The following DGKB variants were observed in gnomAD, a reference collection of about 807,000 sequenced individuals.
DGKB encodes diacylglycerol kinase beta.
DGKB carries 67 observed loss-of-function variants against 114.3 expected under a neutral mutation model. The observed-to-expected ratio is 0.59, with a 90% CI of 0.48 to 0.72. The LOEUF is 0.72. DGKB is among the 30% of genes least tolerant of loss of function. The pLI, the probability that DGKB is intolerant of heterozygous loss-of-function variation, is 0.00. For missense variants in DGKB, 907 were observed against 975.2 expected (o/e 0.93, Z 0.93); for synonymous variants, 398 against 323.1 (o/e 1.23, Z -2.49).
chr7:14,525,766 T>C (rs1439940662), intron 20 of DGKB, among the ~76,000 whole-genome samples: 1 of 152,202 alleles, frequency 6.6e-6, no homozygotes, highest in Non-Finnish European at 1.5e-5. Flanking sequence ...AATTTTGTTT[T>C]GGTCTTTTTT....
chr7:14,773,167 A>G (rs1310098222), intron 2 of DGKB, among the ~76,000 whole-genome samples: 1 of 152,214 alleles, frequency 6.6e-6, no homozygotes, highest in African/African-American at 2.4e-5. Flanking sequence ...ATAAGCACAT[A>G]AAGTGCTAAA....
Position 14,648,865 on chromosome 7 carries a change from T to C in DGKB, c.1135-18597A>G, listed in dbSNP as rs373865935. ...TGAAGAATGCAGAAGCCTCAGGAGC[T>C]GATGCGATCAACTGGAAGAAAGGGT... On this transcript the variant is annotated intron_variant, in intron 13 of 25. Coordinates refer to ENST00000402815, the MANE Select transcript of DGKB (RefSeq NM_001350709.2). Among the ~76,000 whole-genome samples the C allele has an allele frequency of 4.2e-4, 57 of 134,756 alleles. No homozygotes were observed. The East Asian group carries it at 4.7e-3, about 11-fold the overall frequency. 88.4% of individuals were successfully genotyped at this position (134,756 alleles called of 152,430 possible). A position where few individuals can be genotyped will look rare whatever the true frequency, so the allele number is the denominator to read the frequency against.
At chr7:14,966,998 A>G (rs1787194193) in intron 1 of DGKB, among the ~76,000 whole-genome samples, 1 of 152,194 alleles carries the variant, frequency 6.6e-6, no homozygotes, top group Admixed American at 6.5e-5. Flanking sequence ...GATGTATTTT[A>G]TTCATTTTAT....
At chr7:14,648,136 G>A (rs542090814) in intron 13 of DGKB, among the ~76,000 whole-genome samples, 10 of 152,328 alleles carry the variant, frequency 6.6e-5, no homozygotes, top group South Asian at 6.2e-4. Context: ...ACTGGGTGGA[G>A]CCCACCACAG....
intron 13 of DGKB, among the ~76,000 whole-genome samples, chr7:14,654,876 AC>A: frequency 6.6e-6 from 1 of 152,090 alleles, no homozygotes; most frequent in South Asian, 2.1e-4. Flanking sequence ...CCAAAAATTG[AC>A]ACAAAATATA....
chr7:14,610,914 T>C (rs549639656), intron 16 of DGKB, among the ~76,000 whole-genome samples: 1 of 152,294 alleles, frequency 6.6e-6, no homozygotes, highest in South Asian at 2.1e-4. Context: ...AGCCATGCCT[T>C]ATCCATGATG....
Position 14,919,270 on chromosome 7 carries a change from C to G in DGKB, c.-188+55426G>C, listed in dbSNP as rs1259887245. Among the ~76,000 whole-genome samples, 4 of 151,942 alleles carry G rather than the reference C, an allele frequency of 2.6e-5. No homozygotes were observed. The East Asian group carries it at 7.7e-4, about 29-fold the overall frequency. On this transcript the variant is annotated intron_variant, in intron 1 of 4. Transcript: ENST00000437998. ...GCAGCACGTTATTGACAAAGAATAG[C>G]CAAATTAGATATGGAATACAACAGA...
chr7:14,545,301 G>C (rs1794103944), intron 20 of DGKB, among the ~76,000 whole-genome samples: 1 of 152,098 alleles, frequency 6.6e-6, no homozygotes, highest in African/African-American at 2.4e-5. Flanking sequence ...AGTAACCTCA[G>C]ATACAATTAA....
At chr7:14,748,914 C>A (rs985963640) in intron 4 of DGKB, among the ~76,000 whole-genome samples, 4 of 152,098 alleles carry the variant, frequency 2.6e-5, no homozygotes, top group Non-Finnish European at 4.4e-5. Flanking sequence ...ATCTATCAAC[C>A]AATGTTGACT....
intron 20 of DGKB, among the ~76,000 whole-genome samples, chr7:14,485,930 T>A (rs1005488499): frequency 6.6e-6 from 1 of 151,784 alleles, no homozygotes; most frequent in East Asian, 1.9e-4. Flanking sequence ...TGTATGAAGG[T>A]GGCTGCACCC....
intron 5 of DGKB, among the ~76,000 whole-genome samples, chr7:14,720,473 T>TTGTATG (rs1189519206): frequency 7.3e-6 from 1 of 136,482 alleles, no homozygotes; most frequent in African/African-American, 2.9e-5. Context: ...CCCGGCTGAT[T>TTGTATG]TGTGTGTGTG....
chr7:14,321,943 A>G (rs193023440), intron 23 of DGKB, among the ~76,000 whole-genome samples: 28 of 152,364 alleles, frequency 1.8e-4, no homozygotes, highest in Non-Finnish European at 5.9e-5. Context: ...AAAAATGCCA[A>G]TTGTCCCTAA....
intron 2 of DGKB, among the ~76,000 whole-genome samples, chr7:14,803,205 C>T (rs1842398925): frequency 6.6e-6 from 1 of 151,908 alleles, no homozygotes; most frequent in Non-Finnish European, 1.5e-5. Flanking sequence ...TCCTCTGGAG[C>T]AGTTGAGCTT....
At chr7:14,808,058 C>G (rs1842978925) in intron 2 of DGKB, among the ~76,000 whole-genome samples, 2 of 151,928 alleles carry the variant, frequency 1.3e-5, no homozygotes, top group Admixed American at 1.3e-4. Flanking sequence ...AATGTAATAT[C>G]CAACCCATAT....
At chr7:14,862,547 T>A (rs1851138481) in intron 1 of DGKB, among the ~76,000 whole-genome samples, 1 of 152,094 alleles carries the variant, frequency 6.6e-6, no homozygotes, top group South Asian at 2.1e-4. Context: ...AGAGTTTACA[T>A]TATTTGCCAA....
Position 14,204,000 on chromosome 7 carries a change from A to G in DGKB, c.2123-25849T>C, listed in dbSNP as rs1169916800. Among the ~76,000 whole-genome samples, 3 of 151,904 alleles carry G rather than the reference A, an allele frequency of 2.0e-5. No homozygotes were observed. In the East Asian group the frequency reaches 5.8e-4, roughly 29 times the overall value. ...TCCCCCAGCGAATTAATTGCAGGAT[A>G]TTTCTTCCTTTATTATTTTAACTGA... On this transcript the variant is annotated intron_variant, in intron 23 of 25. Transcript: ENST00000402815.
intron 21 of DGKB, among the ~76,000 whole-genome samples, chr7:14,376,288 G>A (rs1360288803): frequency 3.3e-5 from 5 of 152,164 alleles, no homozygotes; most frequent in Non-Finnish European, 7.3e-5. Flanking sequence ...CACCTGCTGT[G>A]ATAATCTACC....
chr7:14,595,761 A>T (rs1360300177), intron 17 of DGKB, among the ~76,000 whole-genome samples: 2 of 152,068 alleles, frequency 1.3e-5, no homozygotes, highest in African/African-American at 4.8e-5. Context: ...ATGGTAATTT[A>T]AAATAATATT....
Position 14,145,912 on chromosome 7 carries a change from A to G in DGKB, c.*3219T>C, listed in dbSNP as rs1024560447. 6 of 152,210 alleles carry G rather than the reference A, an allele frequency of 3.9e-5. No homozygotes were observed. The highest frequency in any genetic ancestry group is 5.9e-5 in the Non-Finnish European group (4 of 68,038). The allele number at this position is 152,210 out of a possible 1,614,324, so 9.4% of individuals were successfully genotyped here. ...ACATATTCTTCCCTGAAAAATTGCA[A>G]CTACTTCCCATATGCCTAAAAAACG... On this transcript the variant is annotated 3_prime_UTR_variant, in exon 26 of 26. Transcript: ENST00000402815.
Sources: allele counts gnomAD v4.1 joint callset (sites outside exome capture counted in the v4.1 genomes callset), GRCh38; gene constraint gnomAD v4.1.1; transcripts MANE v1.5; gene names NCBI Gene and HGNC (gene_info 2026-07-23, HGNC 2026-07-21).